The following GRIN3A variants were observed in gnomAD, a reference collection of about 807,000 sequenced individuals.
The protein encoded by GRIN3A is glutamate ionotropic receptor NMDA type subunit 3A, also known as glutamate receptor ionotropic, NMDA 3A.
GRIN3A carries 47 observed loss-of-function variants against 92.4 expected under a neutral mutation model. That is an observed-to-expected ratio of 0.51 (90% CI 0.40 to 0.65). The LOEUF is 0.65. GRIN3A is among the 30% of genes least tolerant of loss of function. GRIN3A has a pLI of 0.00. For missense variants in GRIN3A, 1,324 were observed against 1,393.1 expected, an observed-to-expected ratio of 0.95 and a Z score of 0.79; for synonymous variants, 527 against 540.6, an observed-to-expected ratio of 0.97 and a Z score of 0.35.
At chr9:101,674,361 T>C (rs12708308) in intron 2 of GRIN3A, among the ~76,000 whole-genome samples, 32,893 of 152,028 alleles carry the variant, frequency 0.22, 3,767 homozygotes, top group Non-Finnish European at 0.25. Flanking sequence ...TTCTTTCTTT[T>C]GCTTCCTCTT....
intron 1 of GRIN3A, among the ~76,000 whole-genome samples, chr9:101,716,124 C>A (rs927359097): frequency 7.8e-6 from 1 of 127,774 alleles, no homozygotes; most frequent in African/African-American, 2.6e-5. Flanking sequence ...GAAGGAAGAG[C>A]AGAATTAAGA....
intron 3 of GRIN3A, among the ~76,000 whole-genome samples, chr9:101,665,422 G>A (rs750688532): frequency 6.6e-6 from 1 of 151,878 alleles, no homozygotes; most frequent in Non-Finnish European, 1.5e-5. Context: ...GTGTTCAAGA[G>A]CATTAACGGG....
intron 3 of GRIN3A, among the ~76,000 whole-genome samples, chr9:101,652,967 T>C (rs1255594671): frequency 2.0e-5 from 3 of 151,908 alleles, no homozygotes; most frequent in Non-Finnish European, 2.9e-5. Context: ...GGAAGAATTT[T>C]CGTTTGAGCT....
intron 6 of GRIN3A, among the ~76,000 whole-genome samples, chr9:101,611,108 A>C (rs1395169919): frequency 3.3e-5 from 5 of 151,826 alleles, no homozygotes; most frequent in African/African-American, 1.2e-4. Flanking sequence ...AAAAAAAAAA[A>C]AAAAACCAAC....
At chr9:101,609,003 A>G (rs1026282257) in intron 6 of GRIN3A, among the ~76,000 whole-genome samples, 1 of 152,190 alleles carries the variant, frequency 6.6e-6, no homozygotes, top group African/African-American at 2.4e-5. Context: ...TGAGAGTAGA[A>G]GTGGTTGGAT....
chr9:101,603,023 T>C (rs1488694722), intron 6 of GRIN3A: 1 of 147,512 alleles, frequency 6.8e-6, no homozygotes, highest in African/African-American at 2.4e-5. Context: ...TTTTTCCCAC[T>C]CAGACACTGA....
chr9:101,614,662 C>T (rs35441547), intron 5 of GRIN3A, among the ~76,000 whole-genome samples: 20,075 of 137,282 alleles, frequency 0.15, 2,768 homozygotes, highest in African/African-American at 0.38. Context: ...CTCTGTTGCC[C>T]AGGCTGGAGT....
intron 1 of GRIN3A, among the ~76,000 whole-genome samples, chr9:101,689,730 G>GCA (rs1208125484): frequency 2.9e-5 from 4 of 138,914 alleles, no homozygotes; most frequent in South Asian, 2.3e-4. Flanking sequence ...GCATACACAT[G>GCA]CACACACACA....
Position 101,670,135 on chromosome 9 carries a change from T to A in GRIN3A, c.2277A>T (p.Thr759=), listed in dbSNP as rs373863665. ...TGACAGCAGCCAAGTTTGCCGTGTA[T>A]GTGGAAAGGCAAAACATACAGAAAA... The part of the protein sequence containing the change: ...WAIFCMFCLS[T]YTANLAAVMV... Residue 759 remains threonine, a synonymous_variant, in exon 3 of 9, where the codon ACA becomes ACT. Coordinates refer to ENST00000361820, the MANE Select transcript of GRIN3A (RefSeq NM_133445.3). 1 of 1,613,790 alleles carries A rather than the reference T, an allele frequency of 6.2e-7. No individual in the cohort carries two copies.
intron 1 of GRIN3A, among the ~76,000 whole-genome samples, chr9:101,699,358 G>A (rs1829725823): frequency 1.3e-5 from 2 of 151,984 alleles, no homozygotes; most frequent in South Asian, 2.1e-4. Flanking sequence ...ACCTGCCTGA[G>A]GTTGTTTCAC....
At chr9:101,733,723 T>C (rs1830169227) in intron 1 of GRIN3A, among the ~76,000 whole-genome samples, 1 of 152,154 alleles carries the variant, frequency 6.6e-6, no homozygotes, top group Non-Finnish European at 1.5e-5. Flanking sequence ...TCAGAGAAAA[T>C]GCACAATTTA....
intron 3 of GRIN3A, among the ~76,000 whole-genome samples, chr9:101,651,883 G>A (rs1397357800): frequency 1.3e-5 from 2 of 151,944 alleles, no homozygotes; most frequent in African/African-American, 4.8e-5. Flanking sequence ...TCCTAGAGAA[G>A]TCAAGGATGC....
intron 1 of GRIN3A, among the ~76,000 whole-genome samples, chr9:101,724,413 G>C (rs370219739): frequency 1.3e-5 from 2 of 152,128 alleles, no homozygotes; most frequent in Non-Finnish European, 2.9e-5. Context: ...CTCCGAGTGC[G>C]GGGCCCGCCA....
At position 101,670,782 on chromosome 9, in the gene GRIN3A, G is replaced by C; in HGVS notation, c.1630C>G (p.Leu544Val). The C allele has an allele frequency of 6.2e-7, 1 of 1,614,070 alleles. No individual in the cohort carries two copies. Among genetic ancestry groups the C allele is most frequent in the Non-Finnish European group, 8.5e-7 (1 of 1,179,982 alleles). Residue 544 changes from leucine to valine, a missense_variant, in exon 3 of 9, where the codon CTA becomes GTA. Transcript: ENST00000361820. ...EGLCPAGQLCLDPMTNDSSTL... is the reference protein window; with the variant it reads ...EGLCPAGQLCVDPMTNDSSTL... ...GAAGAGTCATTAGTCATGGGGTCTAGACAGAGTTGGCCAGCAGGGCACAAG... is the reference window on the plus strand; with the variant it reads ...GAAGAGTCATTAGTCATGGGGTCTACACAGAGTTGGCCAGCAGGGCACAAG...
At chr9:101,610,591 A>ATCTC (rs1828350132) in intron 6 of GRIN3A, among the ~76,000 whole-genome samples, 1 of 137,472 alleles carries the variant, frequency 7.3e-6, no homozygotes, top group Non-Finnish European at 1.6e-5. Context: ...CTATCTATCT[A>ATCTC]TCTATCTATC....
chr9:101,708,610 T>C (rs903444130), intron 1 of GRIN3A, among the ~76,000 whole-genome samples: 12 of 152,142 alleles, frequency 7.9e-5, no homozygotes, highest in African/African-American at 2.2e-4. Context: ...ATAGAAATAA[T>C]AGAAGTATGG....
At chr9:101,629,179 T>A (rs1291205394) in intron 3 of GRIN3A, among the ~76,000 whole-genome samples, 1 of 152,082 alleles carries the variant, frequency 6.6e-6, no homozygotes, top group Non-Finnish European at 1.5e-5. Flanking sequence ...AGGCAAATGC[T>A]CATATGGCAA....
At chr9:101,719,764 T>A (rs1223147345) in intron 1 of GRIN3A, among the ~76,000 whole-genome samples, 1 of 152,220 alleles carries the variant, frequency 6.6e-6, no homozygotes, top group Non-Finnish European at 1.5e-5. Flanking sequence ...ATATGATCAT[T>A]TCCAGTATTT....
In GRIN3A at chr9:101,580,210, T is replaced by C. The variant is rs1827871070; in HGVS notation, c.2767-850A>G. ...TTTACCCCTCCCTTGAAGTGCTTGC[T>C]CTCAGCTTCTGCTGAGGCTATGCTT... On this transcript the variant is annotated intron_variant, in intron 6 of 8. Coordinates refer to ENST00000361820, the MANE Select transcript of GRIN3A (RefSeq NM_133445.3). Among the ~76,000 whole-genome samples the C allele has an allele frequency of 2.0e-5, 3 of 152,202 alleles. No homozygotes were observed. The South Asian group carries it at 6.2e-4, about 31-fold the overall frequency.
Sources: gnomAD v4.1 joint callset for allele counts (sites outside exome capture counted in the v4.1 genomes callset) on GRCh38, gnomAD v4.1.1 for gene constraint, MANE v1.5 for transcripts, NCBI Gene and HGNC (gene_info 2026-07-23, HGNC 2026-07-21) for gene names.